The following SH3BGR variants were observed in gnomAD, a reference collection of about 807,000 sequenced individuals.
The protein encoded by SH3BGR is SH3 domain binding glutamate rich protein.
Under a neutral mutation model 24.5 loss-of-function variants are expected in SH3BGR, and 29 were observed. The ratio of observed to expected loss-of-function variants is 1.18; its 90% CI spans 0.88 to 1.61. SH3BGR has a LOEUF of 1.61. Among genes scored for constraint, SH3BGR ranks in the 40% most tolerant of loss-of-function variants. The pLI is 0.00. For missense variants in SH3BGR, 162 were observed against 205.8 expected (o/e 0.79, Z 1.30); for synonymous variants, 55 against 65.7 (o/e 0.84, Z 0.79).
intron 3 of SH3BGR, chr21:39,488,674 C>T (rs962038490): frequency 1.0e-4 from 38 of 380,804 alleles, no homozygotes; most frequent in Non-Finnish European, 1.5e-4. Context: ...CGCTGAAATC[C>T]GGCAAGTCCT....
chr21:39,447,867 G>C (rs547091355), upstream of SH3BGR, among the ~76,000 whole-genome samples: 1 of 152,278 alleles, frequency 6.6e-6, no homozygotes, highest in South Asian at 2.1e-4. Flanking sequence ...AGGTTCCTAG[G>C]GATGTCATAA....
At chr21:39,480,455 T>C (rs1430111030) in intron 3 of SH3BGR, among the ~76,000 whole-genome samples, 1 of 152,226 alleles carries the variant, frequency 6.6e-6, no homozygotes, top group Admixed American at 6.5e-5. Flanking sequence ...ATGGGGTCCT[T>C]TGTGACTGGC....
rs1569146919 is a variant in SH3BGR at position 39,452,798 on chromosome 21, C to T, written c.45+657C>T. On this transcript the variant is annotated intron_variant, in intron 1 of 6. Transcript: ENST00000333634. ...CTTGAGACCATCTACCTCTTCAATT[C>T]TGGCCTTCATTCTGTGCAAGCTGGA... 2.0e-5 allele frequency among the ~76,000 whole-genome samples: 3 copies of T among 152,120 alleles called. No homozygotes were observed. The South Asian group carries it at 6.2e-4, about 32-fold the overall frequency.
At chr21:39,451,733 A>G (rs1294580319), upstream of SH3BGR, 25 of 804,754 alleles carry the variant, frequency 3.1e-5, no homozygotes, top group Non-Finnish European at 4.4e-5. Context: ...CTTGGCCCCA[A>G]GGCATCTCTG....
At chr21:39,457,242 A>ATAT (rs1200361096) in intron 1 of SH3BGR, among the ~76,000 whole-genome samples, 2 of 30,964 alleles carry the variant, frequency 6.5e-5, no homozygotes, top group South Asian at 1.4e-3. Context: ...AAATATAAAA[A>ATAT]TCTTATTATA....
upstream of SH3BGR, chr21:39,451,708 C>T (rs775062018): frequency 1.2e-4 from 75 of 644,470 alleles, no homozygotes; most frequent in Middle Eastern, 8.3e-4. Flanking sequence ...GCTCTGTTAC[C>T]GGGGCCCCAC....
At chr21:39,496,478 G>A (rs1283139364) in intron 3 of SH3BGR, among the ~76,000 whole-genome samples, 4 of 143,950 alleles carry the variant, frequency 2.8e-5, no homozygotes, top group African/African-American at 5.1e-5. Flanking sequence ...CCGCAGTCCG[G>A]CCTGGGCGAC....
chr21:39,479,255 G>GCTGGTGGTGATA, intron 3 of SH3BGR, among the ~76,000 whole-genome samples: 1 of 151,138 alleles, frequency 6.6e-6, no homozygotes, highest in Non-Finnish European at 1.5e-5. Context: ...TGGTGGTGGT[G>GCTGGTGGTGATA]GTGATGGTAG....
At chr21:39,491,230 A>G (rs1394008639) in intron 3 of SH3BGR, among the ~76,000 whole-genome samples, 1 of 151,230 alleles carries the variant, frequency 6.6e-6, no homozygotes, top group Non-Finnish European at 1.5e-5. Context: ...GCTCACTGCA[A>G]CCTCCGCCTC....
Position 39,480,514 on chromosome 21 carries a change from G to A in SH3BGR, c.312+5299G>A, listed in dbSNP as rs1569161758. 2.0e-5 allele frequency among the ~76,000 whole-genome samples: 3 copies of A among 152,200 alleles called. No homozygotes were observed. In the South Asian group the frequency reaches 6.2e-4, roughly 31 times the overall value. Reference sequence around the variant, plus strand: ...TCAAGGCTTGTCTGTGTTGTAGCAGGTGTCAGCACTTCTTTCTTTGTTAGG... The same window carrying A: ...TCAAGGCTTGTCTGTGTTGTAGCAGATGTCAGCACTTCTTTCTTTGTTAGG... On this transcript the variant is annotated intron_variant, in intron 3 of 6. Transcript: ENST00000333634.
intron 2 of SH3BGR, among the ~76,000 whole-genome samples, chr21:39,467,254 A>G (rs1328681280): frequency 1.4e-5 from 2 of 144,876 alleles, no homozygotes; most frequent in South Asian, 4.4e-4. Context: ...GCTGTGATCT[A>G]GTAATTTTTT....
chr21:39,504,557 A>G lies in SH3BGR; in HGVS notation c.406-4441A>G, dbSNP rs116529907. 3.6e-3 allele frequency among the ~76,000 whole-genome samples: 548 copies of G among 152,274 alleles called. 6 individuals are homozygous for G. Among genetic ancestry groups the G allele is most frequent in the African/African-American group, 0.013 (532 of 41,566 alleles). On this transcript the variant is annotated intron_variant, in intron 4 of 6. Transcript: ENST00000333634. Reference sequence around the variant, plus strand: ...AATAGCTGCTGTGGAAGGTTCTAAGACTTCCCACTTCTGAGGTTTCTCTCT... The same window carrying G: ...AATAGCTGCTGTGGAAGGTTCTAAGGCTTCCCACTTCTGAGGTTTCTCTCT...
chr21:39,473,007 T>A (rs2077966971), intron 2 of SH3BGR, among the ~76,000 whole-genome samples: 1 of 152,214 alleles, frequency 6.6e-6, no homozygotes, highest in South Asian at 2.1e-4. Context: ...TTTAAATTTT[T>A]TTTTTTCTTA....
At chr21:39,477,785 A>T (rs1569160031) in intron 3 of SH3BGR, among the ~76,000 whole-genome samples, 1 of 152,180 alleles carries the variant, frequency 6.6e-6, no homozygotes, top group Non-Finnish European at 1.5e-5. Flanking sequence ...TGCTATGAGG[A>T]GGGAATTTGG....
intron 4 of SH3BGR, among the ~76,000 whole-genome samples, chr21:39,503,805 G>A (rs2078537240): frequency 6.6e-6 from 1 of 152,194 alleles, no homozygotes; most frequent in African/African-American, 2.4e-5. Context: ...AAAGGATTGA[G>A]GCAGGAGGAC....
intron 2 of SH3BGR, among the ~76,000 whole-genome samples, chr21:39,468,233 G>A (rs896726778): frequency 5.3e-5 from 8 of 152,160 alleles, no homozygotes; most frequent in Admixed American, 2.6e-4. Context: ...TCAACATATC[G>A]ATGTTACTGA....
In SH3BGR at chr21:39,499,883, G is replaced by T. The variant is rs137910292; in HGVS notation, c.373G>T (p.Val125Leu). The change falls in exon 4 of 7, where the codon GTG (valine) becomes TTG (leucine). Residue 125 changes from valine to leucine, a missense_variant. Physicochemically the swap from Val to Leu is conservative, Grantham distance 32. Coordinates refer to ENST00000333634, the MANE Select transcript of SH3BGR (RefSeq NM_007341.3). ...GGCACAAAAAGAGGGCAGTGAAGATGTGGGCAACCTCCCTGAAGCCCAGGA... is the reference window on the plus strand; with the variant it reads ...GGCACAAAAAGAGGGCAGTGAAGATTTGGGCAACCTCCCTGAAGCCCAGGA... ...TEAQKEGSED[V>L]GNLPEAQEKN... 3.7e-4 allele frequency: 605 copies of T among 1,613,830 alleles called. 3 individuals are homozygous for T. The African/African-American group carries it at 7.6e-3, about 20-fold the overall frequency.
At chr21:39,456,913 T>C (rs2077663903) in intron 1 of SH3BGR, among the ~76,000 whole-genome samples, 2 of 148,276 alleles carry the variant, frequency 1.3e-5, no homozygotes, top group Non-Finnish European at 3.0e-5. Flanking sequence ...TTAGTTCCAT[T>C]GTCTTTTTTA....
At chr21:39,514,933 A>G (rs965183982) in intron 6 of SH3BGR, among the ~76,000 whole-genome samples, 155 bp from the exon 7 acceptor site, 1 of 152,236 alleles carries the variant, frequency 6.6e-6, no homozygotes, top group Admixed American at 6.5e-5. Flanking sequence ...CATGAGACAA[A>G]TTCCCTTTCC....
Sources: allele counts gnomAD v4.1 joint callset (sites outside exome capture counted in the v4.1 genomes callset), GRCh38; gene constraint gnomAD v4.1.1; transcripts MANE v1.5; gene names NCBI Gene and HGNC (gene_info 2026-07-23, HGNC 2026-07-21).